Variants in NIPAL3 observed in about 807,000 individuals in gnomAD.
NIPAL3 encodes NIPA like domain containing 3, also known as NIPA-like protein 3.
NIPAL3 carries 41 observed loss-of-function variants against 47.2 expected under a neutral mutation model. That is an observed-to-expected ratio of 0.87 (90% confidence interval 0.68 to 1.13). The LOEUF (loss-of-function observed/expected upper bound fraction) is 1.13, where lower values mean the gene tolerates loss of function less well. Among genes scored for constraint, NIPAL3 ranks in the 50% most tolerant of loss-of-function variants. The probability of loss-of-function intolerance (pLI) is 0.00; values close to 1 mark genes in which losing one functional copy is unlikely to be tolerated. For missense variants in NIPAL3, 449 were observed against 530.1 expected (o/e 0.85, Z 1.50); for synonymous variants, 194 against 209.6 (o/e 0.93, Z 0.64).
intron 2 of NIPAL3, among the ~76,000 whole-genome samples, chr1:24,436,863 GTA>G: frequency 2.6e-5 from 4 of 152,118 alleles, no homozygotes. Flanking sequence ...ATAGGGAAAA[GTA>G]CATCTACTCC....
At chr1:24,424,097 A>G (rs886796846) in intron 2 of NIPAL3, among the ~76,000 whole-genome samples, 5 of 152,214 alleles carry the variant, frequency 3.3e-5, no homozygotes, top group Non-Finnish European at 5.9e-5. Context: ...GTTGCCTAGT[A>G]TGGAATATCT....
intron 11 of NIPAL3, chr1:24,464,935 A>G (rs1339617213): frequency 6.6e-6 from 1 of 152,270 alleles, no homozygotes; most frequent in Non-Finnish European, 1.5e-5. Context: ...TTCATGCTGT[A>G]ACGCTGTGAT....
At chr1:24,466,189 T>A in intron 11 of NIPAL3, 2 of 1,206,324 alleles carry the variant, frequency 1.7e-6, no homozygotes, top group Non-Finnish European at 2.3e-6. Flanking sequence ...CTTGGCCCTT[T>A]CCTGTGGAAC....
In NIPAL3 at chr1:24,442,289, C is replaced by G. The variant is rs541326342; in HGVS notation, c.334+63C>G. ...CCCAGCTGCGTGACCAGAGTGCCAG[C>G]GCCAGGATCAAAGGTGCCCATTGAA... On this transcript the variant is annotated intron_variant, in intron 4 of 11. Coordinates refer to ENST00000374399, the MANE Select transcript of NIPAL3 (RefSeq NM_020448.5). The G allele has an allele frequency of 1.6e-5, 25 of 1,553,440 alleles. No homozygotes were observed. The African/African-American group carries it at 2.3e-4, about 14-fold the overall frequency.
rs151305924 is a variant in NIPAL3, at chr1:24,458,915, C to T, written c.801C>T (p.Tyr267=). 9 of 1,613,932 alleles carry T rather than the reference C, an allele frequency of 5.6e-6. No individual in the cohort carries two copies. The highest frequency in any genetic ancestry group is 3.3e-5 in the South Asian group (3 of 91,088). The part of the protein sequence containing the change: ...AAFLSQASQM[Y]DSSLIASVGY... The stretch of plus-strand genomic sequence containing the variant: ...TTTTGAGTCAAGCCTCACAGATGTA[C>T]GACTCCTCTTTGATTGCCAGTGTGG... The change falls in exon 9 of 12, where the codon TAC becomes TAT. Residue 267 remains tyrosine, a synonymous_variant. Transcript: ENST00000374399.
intron 9 of NIPAL3, 35 bp from the exon 10 acceptor site, chr1:24,460,446 A>G (rs757526279): frequency 1.3e-6 from 2 of 1,557,124 alleles, no homozygotes; most frequent in South Asian, 2.4e-5. Flanking sequence ...ATTTGAAAAC[A>G]GCTCAGCGGT....
intron 2 of NIPAL3, among the ~76,000 whole-genome samples, chr1:24,432,572 A>T (rs1644925441): frequency 6.6e-6 from 1 of 152,222 alleles, no homozygotes; most frequent in African/African-American, 2.4e-5. Context: ...TATATTATAT[A>T]GTTTGACATA....
intron 1 of NIPAL3, among the ~76,000 whole-genome samples, chr1:24,418,479 C>T (rs1029486245): frequency 1.3e-5 from 2 of 152,024 alleles, no homozygotes; most frequent in African/African-American, 4.8e-5. Context: ...AAAAATTAGC[C>T]AGGCCTTGTG....
rs1645930238 is a variant in NIPAL3 at position 24,451,423 on chromosome 1, T to C, written c.540+1797T>C. On this transcript the variant is annotated intron_variant, in intron 6 of 11. Coordinates refer to ENST00000374399, the MANE Select transcript of NIPAL3 (RefSeq NM_020448.5). This position sits in a 1 kb window ranked among gnomAD's most constrained non-coding sequence, Gnocchi z 4.5. ...AGAATCATGGAGAACGGGCCACATG[T>C]GGTGGCTCACACCTATAATCTCAGC... Among the ~76,000 whole-genome samples, 1 of 152,104 alleles carries C rather than the reference T, an allele frequency of 6.6e-6. No individual in the cohort carries two copies. Among genetic ancestry groups the C allele is most frequent in the Non-Finnish European group, 1.5e-5 (1 of 68,028 alleles).
At chr1:24,456,360 A>G in intron 8 of NIPAL3, 87 bp downstream of exon 8, 1 of 1,569,676 alleles carries the variant, frequency 6.4e-7, no homozygotes, top group South Asian at 1.2e-5. Context: ...GTGAAGCCAC[A>G]AGGAGGCCAG....
intron 2 of NIPAL3, among the ~76,000 whole-genome samples, chr1:24,420,432 T>G (rs916332203): frequency 6.6e-6 from 1 of 151,756 alleles, no homozygotes; most frequent in Admixed American, 6.6e-5. Context: ...AGCCTAAGAG[T>G]AGTTTGAGGG....
intron 8 of NIPAL3, among the ~76,000 whole-genome samples, chr1:24,456,988 C>T (rs534596019): frequency 6.6e-6 from 1 of 152,258 alleles, no homozygotes; most frequent in South Asian, 2.1e-4. Context: ...GTCTCAAACT[C>T]CTAACCTCAA....
At chr1:24,442,004 AT>A (rs746311898) in intron 3 of NIPAL3, 50 bp from the exon 4 acceptor site, 10 of 1,588,054 alleles carry the variant, frequency 6.3e-6, no homozygotes, top group South Asian at 3.4e-5. Context: ...ACATCATAGC[AT>A]TTTTTTCCCC....
chr1:24,430,478 G>C (rs1644829883), intron 2 of NIPAL3, among the ~76,000 whole-genome samples: 1 of 152,130 alleles, frequency 6.6e-6, no homozygotes, highest in South Asian at 2.1e-4. Context: ...CTGAACTCCT[G>C]ACCTCAAGTG....
chr1:24,467,470 C>G (rs1490650572), intron 11 of NIPAL3, among the ~76,000 whole-genome samples: 1 of 152,008 alleles, frequency 6.6e-6, no homozygotes, highest in Non-Finnish European at 1.5e-5. Context: ...GAGTGAGACT[C>G]CGTCTCAAAA....
At position 24,416,381 on chromosome 1, in the gene NIPAL3, G is replaced by A. The variant is rs2148730450; in HGVS notation, c.-258+477G>A. 1 of 968,434 alleles carries A rather than the reference G, an allele frequency of 1.0e-6. No individual in the cohort carries two copies. Among genetic ancestry groups the A allele is most frequent in the Middle Eastern group, 5.3e-4 (1 of 1,884 alleles). The allele number at this position is 968,434 out of a possible 1,614,324, so 60.0% of individuals were successfully genotyped here. A position where few individuals can be genotyped will look rare whatever the true frequency, so the allele number is the denominator to read the frequency against. On this transcript the variant is annotated intron_variant, in intron 1 of 11. Coordinates refer to ENST00000374399, the MANE Select transcript of NIPAL3 (RefSeq NM_020448.5). This position sits in a 1 kb window ranked among gnomAD's most constrained non-coding sequence, Gnocchi z 4.8. ...AGCCGAGGAACGGGAAGCTTGGCAG[G>A]GAACTGGCGCTCACCTCCAGAAGCC...
chr1:24,468,906 C>G (rs564686148), intron 11 of NIPAL3, 80 bp from the exon 12 acceptor site: 5 of 1,280,872 alleles, frequency 3.9e-6, no homozygotes, highest in African/African-American at 1.5e-5. Flanking sequence ...TATAATTAGT[C>G]TGTGGCGGGA....
intron 2 of NIPAL3, among the ~76,000 whole-genome samples, chr1:24,438,446 C>A (rs908501525): frequency 6.6e-6 from 1 of 152,216 alleles, no homozygotes; most frequent in Non-Finnish European, 1.5e-5. Context: ...AGTTGGTGGG[C>A]CTCCCTCTCG....
chr1:24,449,596 C>T lies in NIPAL3; in HGVS notation c.510C>T (p.His170=), dbSNP rs764590725. The part of the protein sequence containing the change: ...EKMTGENVTR[H]LVSWPFLLYM... ...TGACAGGCGAGAATGTCACCAGGCA[C>T]CTCGTGAGCTGGCCTTTCCTTTTGT... Residue 170 remains histidine (H), a synonymous_variant, in exon 6 of 12, where the codon CAC becomes CAT. Transcript: ENST00000374399. The surrounding 1 kb of genome is among the most constrained non-coding windows in gnomAD (Gnocchi z 4.5). 11 of 1,613,814 alleles carry T rather than the reference C, an allele frequency of 6.8e-6. No homozygotes were observed. The highest frequency in any genetic ancestry group is 4.0e-5 in the African/African-American group (3 of 74,906).
Sources: gnomAD v4.1 joint callset for allele counts (sites outside exome capture counted in the v4.1 genomes callset) on GRCh38, gnomAD v4.1.1 for gene constraint, Gnocchi (gnomAD v3.1) non-coding constraint, MANE v1.5 for transcripts, NCBI Gene and HGNC (gene_info 2026-07-23, HGNC 2026-07-21) for gene names.